The following RALGAPA2 variants were observed in gnomAD, a reference collection of about 807,000 sequenced individuals.
RALGAPA2 encodes ral GTPase-activating protein subunit alpha-2.
RALGAPA2 carries 139 observed loss-of-function variants against 230.4 expected under a neutral mutation model. The ratio of observed to expected loss-of-function variants is 0.60; its 90% CI spans 0.53 to 0.69. The LOEUF (loss-of-function observed/expected upper bound fraction) is 0.69, where lower values mean the gene tolerates loss of function less well. RALGAPA2 is among the 30% of genes least tolerant of loss of function. The pLI, the probability that RALGAPA2 is intolerant of heterozygous loss-of-function variation, is 0.00. For missense variants in RALGAPA2, 2,163 were observed against 2,276.0 expected, an observed-to-expected ratio of 0.95 and a Z score of 1.01; for synonymous variants, 847 against 837.8, an observed-to-expected ratio of 1.01 and a Z score of -0.19.
chr20:20,596,972 C>T (rs992761978), intron 16 of RALGAPA2, among the ~76,000 whole-genome samples: 3 of 152,182 alleles, frequency 2.0e-5, no homozygotes, highest in African/African-American at 7.2e-5. Context: ...AATCACTGCT[C>T]TAAATCACAT....
At chr20:20,556,192 G>A (rs1251399706) in intron 23 of RALGAPA2, among the ~76,000 whole-genome samples, 2 of 152,202 alleles carry the variant, frequency 1.3e-5, no homozygotes, top group East Asian at 1.9e-4. Flanking sequence ...TTCTCCATCA[G>A]ATGAATCAGC....
At chr20:20,657,253 C>G (rs1289435860) in intron 3 of RALGAPA2, among the ~76,000 whole-genome samples, 1 of 152,136 alleles carries the variant, frequency 6.6e-6, no homozygotes, top group African/African-American at 2.4e-5. Context: ...AGCTCCAGAG[C>G]AAAGATGAGA....
intron 38 of RALGAPA2, among the ~76,000 whole-genome samples, chr20:20,399,321 G>A (rs2059783497): frequency 7.8e-6 from 1 of 128,740 alleles, no homozygotes; most frequent in Admixed American, 9.7e-5. Context: ...TACATCCTGG[G>A]CAATAGAGCG....
At chr20:20,558,295 C>G (rs6046935) in intron 23 of RALGAPA2, among the ~76,000 whole-genome samples, 1 of 152,194 alleles carries the variant, frequency 6.6e-6, no homozygotes, top group East Asian at 1.9e-4. Context: ...GAAAAGGCAC[C>G]GCGCCCAGCC....
intron 11 of RALGAPA2, among the ~76,000 whole-genome samples, chr20:20,619,800 G>A (rs1342689080): frequency 6.6e-6 from 1 of 152,230 alleles, no homozygotes. Context: ...ATATTTTAAA[G>A]TGACATGCCT....
chr20:20,573,192 C>T, intron 20 of RALGAPA2, 124 bp from the exon 21 acceptor site: 1 of 847,362 alleles, frequency 1.2e-6, no homozygotes, highest in South Asian at 2.3e-5. Context: ...TGTGAAACAG[C>T]TGAGAATTTA....
chr20:20,632,811 T>C (rs1296118751), intron 9 of RALGAPA2, among the ~76,000 whole-genome samples: 2 of 152,216 alleles, frequency 1.3e-5, no homozygotes, highest in Non-Finnish European at 2.9e-5. Context: ...AGTCTATTTT[T>C]CAGTGGGGTT....
chr20:20,457,777 G>T (rs1188793247), intron 37 of RALGAPA2, among the ~76,000 whole-genome samples: 2 of 152,238 alleles, frequency 1.3e-5, no homozygotes, highest in African/African-American at 4.8e-5. Flanking sequence ...TAACTGAGAG[G>T]GTGATAAAGG....
chr20:20,512,018 G>C (rs778465867), intron 32 of RALGAPA2, among the ~76,000 whole-genome samples: 1 of 151,834 alleles, frequency 6.6e-6, no homozygotes, highest in African/African-American at 2.4e-5. Flanking sequence ...GTGAAACCCC[G>C]TCTCTACTAA....
chr20:20,685,795 G>A lies in RALGAPA2; in HGVS notation c.107-4994C>T, dbSNP rs552168625. Among the ~76,000 whole-genome samples the A allele has an allele frequency of 2.6e-5, 4 of 152,268 alleles. No homozygotes were observed. The South Asian group carries it at 8.3e-4, about 32-fold the overall frequency. On this transcript the variant is annotated intron_variant, in intron 1 of 39. Transcript: ENST00000202677. The stretch of plus-strand genomic sequence containing the variant: ...GCCTCTCAGGGCTGTAGGGAAAAGG[G>A]AGGGAGGGCAAGGCCACGCTCCAGA...
At chr20:20,393,347 G>A (rs2059637131) in intron 39 of RALGAPA2, 94 bp from the exon 40 acceptor site, 1 of 1,024,164 alleles carries the variant, frequency 9.8e-7, no homozygotes, top group South Asian at 1.7e-5. Flanking sequence ...CAGAAGGGAG[G>A]GAAACTCCCA....
chr20:20,506,680 A>G (rs537877071), intron 33 of RALGAPA2, among the ~76,000 whole-genome samples: 34 of 152,162 alleles, frequency 2.2e-4, no homozygotes, highest in Non-Finnish European at 4.6e-4. Flanking sequence ...GTCAAATTTA[A>G]TATTTAATTT....
chr20:20,414,528 C>A (rs1260945083), intron 37 of RALGAPA2, among the ~76,000 whole-genome samples: 1 of 152,118 alleles, frequency 6.6e-6, no homozygotes, highest in Non-Finnish European at 1.5e-5. Context: ...TGACCCCAGA[C>A]GGCAGCCCAC....
chr20:20,474,284 G>A (rs1045008268), intron 36 of RALGAPA2, among the ~76,000 whole-genome samples: 7 of 152,176 alleles, frequency 4.6e-5, no homozygotes, highest in African/African-American at 1.7e-4. Flanking sequence ...AAGCAACCAT[G>A]GCTGGGGCCA....
At position 20,686,024 on chromosome 20, in the gene RALGAPA2, C is replaced by T. The variant is rs115109955; in HGVS notation, c.107-5223G>A. 7.3e-3 allele frequency among the ~76,000 whole-genome samples: 1,107 copies of T among 152,278 alleles called. 16 individuals carry two copies. The highest frequency in any genetic ancestry group is 0.025 in the African/African-American group (1,058 of 41,548). On this transcript the variant is annotated intron_variant, in intron 1 of 39. Transcript: ENST00000202677. ...TCTCCTTTAACTTCTCATTTTCCTGCACCACCAACCAAAGATAATCTTCTA... is the reference window on the plus strand; with the variant it reads ...TCTCCTTTAACTTCTCATTTTCCTGTACCACCAACCAAAGATAATCTTCTA...
chr20:20,458,110 GAAGA>G lies in RALGAPA2; in HGVS notation c.5495+14715_5495+14718del, dbSNP rs1383847589. Among the ~76,000 whole-genome samples the G allele has an allele frequency of 3.9e-5, 6 of 152,266 alleles. No individual in the cohort carries two copies. The Middle Eastern group carries it at 0.01, about 259-fold the overall frequency. ...AATGCGCCCTTAGCCATTCCTTTAG[GAAGA>G]AAGATACTGCTCCCACAAAAGAAAA... On this transcript the variant is annotated intron_variant, in intron 37 of 39. Coordinates refer to ENST00000202677, the MANE Select transcript of RALGAPA2 (RefSeq NM_020343.4).
At position 20,502,766 on chromosome 20, in the gene RALGAPA2, G is replaced by C. The variant is rs529076755; in HGVS notation, c.5208+585C>G. On this transcript the variant is annotated intron_variant, in intron 35 of 39. Transcript: ENST00000202677. ...TGCTCTGAGACGTTCTCCTCATCTG[G>C]AAGCAGATCTGATTAGAGGCTTCCT... 2.0e-5 allele frequency among the ~76,000 whole-genome samples: 3 copies of C among 152,302 alleles called. No individual in the cohort carries two copies. In the East Asian group the frequency reaches 5.8e-4, roughly 29 times the overall value.
chr20:20,580,963 T>C (rs781538372), intron 20 of RALGAPA2, among the ~76,000 whole-genome samples: 3 of 152,182 alleles, frequency 2.0e-5, no homozygotes, highest in Admixed American at 6.5e-5. Flanking sequence ...ATTTTGAACA[T>C]TTATGAAGAA....
chr20:20,472,768 A>T, intron 37 of RALGAPA2, 61 bp downstream of exon 37: 1 of 1,545,614 alleles, frequency 6.5e-7, no homozygotes, highest in Non-Finnish European at 8.7e-7. Context: ...CTTATGAAAA[A>T]CTGCCAGGAA....
Sources: allele counts gnomAD v4.1 joint callset (sites outside exome capture counted in the v4.1 genomes callset), GRCh38; gene constraint gnomAD v4.1.1; transcripts MANE v1.5; gene names NCBI Gene and HGNC (gene_info 2026-07-23, HGNC 2026-07-21).